The following TRPC4 variants were observed in gnomAD, a reference collection of about 807,000 sequenced individuals.
The protein encoded by TRPC4 is transient receptor potential cation channel subfamily C member 4, also known as short transient receptor potential channel 4.
A neutral mutation model predicts 99.4 loss-of-function variants in TRPC4; 49 were observed. The ratio of observed to expected loss-of-function variants is 0.49; its 90% CI spans 0.39 to 0.63. The LOEUF is 0.63. Ranked by LOEUF, TRPC4 falls within the 20% of genes least tolerant of loss-of-function variation. TRPC4 has a pLI of 0.00. For missense variants in TRPC4, 898 were observed against 1,152.9 expected, an observed-to-expected ratio of 0.78 and a Z score of 3.20; for synonymous variants, 454 against 425.9, an observed-to-expected ratio of 1.07 and a Z score of -0.81.
intron 2 of TRPC4, among the ~76,000 whole-genome samples, chr13:37,749,635 A>G (rs1007898086): frequency 1.3e-5 from 2 of 152,130 alleles, no homozygotes; most frequent in Admixed American, 6.6e-5. Context: ...TACTAACTAT[A>G]TGCCTACATC....
intron 1 of TRPC4, among the ~76,000 whole-genome samples, chr13:37,830,504 T>C (rs1450368207): frequency 6.7e-6 from 1 of 150,110 alleles, no homozygotes; most frequent in Non-Finnish European, 1.5e-5. Flanking sequence ...AGGTCAGGAG[T>C]TCAATCAAGA....
chr13:37,756,814 C>T (rs111862841), intron 2 of TRPC4, among the ~76,000 whole-genome samples: 6,462 of 151,972 alleles, frequency 0.043, 379 homozygotes, highest in African/African-American at 0.13. Context: ...GGATTACAGG[C>T]GTGAGCCACC....
chr13:37,767,676 C>A (rs1336860713), intron 2 of TRPC4, among the ~76,000 whole-genome samples: 1 of 151,288 alleles, frequency 6.6e-6, no homozygotes. Context: ...GTTACCTTAA[C>A]TAAAGCCTGT....
chr13:37,674,448 A>G, intron 4 of TRPC4, 81 bp from the exon 5 acceptor site: 1 of 1,462,804 alleles, frequency 6.8e-7, no homozygotes, highest in Middle Eastern at 2.2e-4. Context: ...ACAATTATAG[A>G]TCTCGAAGCT....
At chr13:37,721,829 G>GT (rs1322913315) in intron 3 of TRPC4, among the ~76,000 whole-genome samples, 5 of 151,994 alleles carry the variant, frequency 3.3e-5, no homozygotes, top group African/African-American at 7.2e-5. Flanking sequence ...TACACATGGA[G>GT]TTTCGCTATG....
intron 1 of TRPC4, among the ~76,000 whole-genome samples, chr13:37,815,183 G>T (rs1218683350): frequency 6.6e-6 from 1 of 151,590 alleles, no homozygotes; most frequent in African/African-American, 2.4e-5. Context: ...AATTCAAAAA[G>T]GATCAAAGAT....
chr13:37,698,939 C>T (rs921569694), intron 3 of TRPC4, among the ~76,000 whole-genome samples: 1 of 152,126 alleles, frequency 6.6e-6, no homozygotes, highest in African/African-American at 2.4e-5. Flanking sequence ...ACCCTATGCA[C>T]CACCATATGC....
At chr13:37,656,062 G>GT (rs1295334647) in intron 6 of TRPC4, among the ~76,000 whole-genome samples, 4 of 151,952 alleles carry the variant, frequency 2.6e-5, no homozygotes, top group East Asian at 1.9e-4. Context: ...TGGGTTTTTG[G>GT]TTTTTTTGGT....
Position 37,746,468 on chromosome 13 carries a change from A to G in TRPC4, c.379-13T>C. On this transcript the variant is annotated splice_polypyrimidine_tract_variant and intron_variant, in intron 2 of 10. Coordinates refer to ENST00000379705, the MANE Select transcript of TRPC4 (RefSeq NM_016179.4). Reference sequence around the variant, plus strand: ...GTATAGGAGGCACCTAAAAAAAAAAAAGGCAGAGGTGATGAATATTTATTC... The same window carrying G: ...GTATAGGAGGCACCTAAAAAAAAAAGAGGCAGAGGTGATGAATATTTATTC... 6.4e-7 allele frequency: 1 copy of G among 1,553,562 alleles called. No homozygotes were observed. The highest frequency in any genetic ancestry group is 8.7e-7 in the Non-Finnish European group (1 of 1,149,562).
chr13:37,638,919 C>T lies in TRPC4; in HGVS notation c.2211+121G>A, dbSNP rs1309733013. The stretch of plus-strand genomic sequence containing the variant: ...TTCTGTAGGGTTTCAGCTGAAAAAT[C>T]AGAAGCCACACAGGCTTGCTGGAAC... On this transcript the variant is annotated intron_variant, in intron 10 of 10. Coordinates refer to ENST00000379705, the MANE Select transcript of TRPC4 (RefSeq NM_016179.4). 17 of 977,258 alleles carry T rather than the reference C, an allele frequency of 1.7e-5. No homozygotes were observed. In the South Asian group the frequency reaches 2.4e-4, roughly 14 times the overall value. 60.5% of individuals were successfully genotyped at this position (977,258 alleles called of 1,614,324 possible). A position where few individuals can be genotyped will look rare whatever the true frequency, so the allele number is the denominator to read the frequency against.
At chr13:37,856,632 AC>A (rs1241412035) in intron 1 of TRPC4, among the ~76,000 whole-genome samples, 1 of 151,684 alleles carries the variant, frequency 6.6e-6, no homozygotes, top group Non-Finnish European at 1.5e-5. Context: ...AAAATCCCCA[AC>A]AAAATATGAG....
chr13:37,771,941 G>A (rs1956560734), intron 2 of TRPC4, among the ~76,000 whole-genome samples: 1 of 151,646 alleles, frequency 6.6e-6, no homozygotes, highest in Non-Finnish European at 1.5e-5. Flanking sequence ...ATAGAGGTAA[G>A]GGTGGACTTG....
intron 3 of TRPC4, among the ~76,000 whole-genome samples, chr13:37,699,959 T>TGC (rs2138926043): frequency 2.0e-5 from 3 of 152,024 alleles, no homozygotes; most frequent in African/African-American, 7.2e-5. Context: ...AGCATGTGTG[T>TGC]GGGTGATGAA....
At position 37,634,680 on chromosome 13, in the gene TRPC4, C is replaced by T. The variant is rs1480152439; in HGVS notation, c.*2223G>A. ...AAAATGGTTATGTATAGTGTCCTTA[C>T]TTTGGGAAAAAACAAAATAAAACAA... On this transcript the variant is annotated 3_prime_UTR_variant, in exon 11 of 11. Transcript: ENST00000379705. 6.6e-6 allele frequency among the ~76,000 whole-genome samples: 1 copy of T among 151,998 alleles called. No individual in the cohort carries two copies. Among genetic ancestry groups the T allele is most frequent in the Admixed American group, 6.6e-5 (1 of 15,226 alleles).
chr13:37,865,268 AT>A (rs1247646916), intron 1 of TRPC4, among the ~76,000 whole-genome samples: 1 of 151,704 alleles, frequency 6.6e-6, no homozygotes, highest in African/African-American at 2.4e-5. Context: ...TTTACATAAC[AT>A]TGATAAGATG....
chr13:37,695,242 C>G lies in TRPC4; in HGVS notation c.898-2907G>C, dbSNP rs139876831. On this transcript the variant is annotated intron_variant, in intron 3 of 10. Transcript: ENST00000379705. ...TTCCTCTCCCTGTGTCTTTTTCTCT[C>G]TGTTGCCTCCCTCACTGTTTACTTA... is the stretch of plus-strand genomic sequence containing the variant. Among the ~76,000 whole-genome samples, 821 of 151,964 alleles carry G rather than the reference C, an allele frequency of 5.4e-3. 7 individuals are homozygous for G. Among genetic ancestry groups the G allele is most frequent in the African/African-American group, 0.019 (782 of 41,438 alleles).
chr13:37,770,828 G>A (rs562282540), intron 2 of TRPC4, among the ~76,000 whole-genome samples: 4 of 151,630 alleles, frequency 2.6e-5, no homozygotes, highest in Admixed American at 1.3e-4. Flanking sequence ...AGCGTGTATC[G>A]TATTCTGCAA....
intron 3 of TRPC4, among the ~76,000 whole-genome samples, chr13:37,705,119 T>A (rs1954227434): frequency 6.6e-6 from 1 of 152,156 alleles, no homozygotes; most frequent in Non-Finnish European, 1.5e-5. Context: ...TTAAGCTTTA[T>A]GAAAAGATGG....
At chr13:37,813,356 TAAATC>T (rs1227302467) in intron 1 of TRPC4, among the ~76,000 whole-genome samples, 2 of 151,400 alleles carry the variant, frequency 1.3e-5, no homozygotes, top group East Asian at 1.9e-4. Flanking sequence ...GTAAAAATAT[TAAATC>T]AAAGCAAGCA....
Sources: allele counts gnomAD v4.1 joint callset (sites outside exome capture counted in the v4.1 genomes callset), GRCh38; gene constraint gnomAD v4.1.1; transcripts MANE v1.5; gene names NCBI Gene and HGNC (gene_info 2026-07-23, HGNC 2026-07-21).